NPC1: variants seen among roughly 807,000 people sequenced by gnomAD.
NPC1 encodes the protein Niemann-Pick C1 protein.
A neutral mutation model predicts 140.4 loss-of-function variants in NPC1; 85 were observed. The ratio of observed to expected loss-of-function variants is 0.61; its 90% CI spans 0.51 to 0.72. The LOEUF (loss-of-function observed/expected upper bound fraction) is 0.72. NPC1 is among the 30% of genes least tolerant of loss of function. The probability of loss-of-function intolerance (pLI) is 0.00; values close to 1 mark genes in which losing one functional copy is unlikely to be tolerated. For missense variants in NPC1, 1,504 were observed against 1,623.8 expected (o/e 0.93, Z 1.27); for synonymous variants, 656 against 624.8 (o/e 1.05, Z -0.74).
Position 23,532,223 on chromosome 18 carries a change from G to A in NPC1, c.3816C>T (p.Arg1272=), listed in dbSNP as rs375797728. Residue 1272 remains arginine (R), a synonymous_variant, in exon 25 of 25, where the codon CGC becomes CGT. Coordinates refer to ENST00000269228, the MANE Select transcript of NPC1 (RefSeq NM_000271.5). ...ATEERYKGTE[R]ERLLNF is the part of the protein sequence containing the mutation. ...AGGGCTAGAAATTTAGAAGCCGTTCGCGCTCTGTTCCTTTGTATCGCTCTT... is the reference window on the plus strand; with the variant it reads ...AGGGCTAGAAATTTAGAAGCCGTTCACGCTCTGTTCCTTTGTATCGCTCTT... 3.8e-5 allele frequency: 61 copies of A among 1,614,018 alleles called. No homozygotes were observed. The East Asian group carries it at 4.0e-4, about 11-fold the overall frequency.
At chr18:23,584,090 A>G (rs2059386846) in intron 1 of NPC1, among the ~76,000 whole-genome samples, 1 of 152,252 alleles carries the variant, frequency 6.6e-6, no homozygotes, top group Non-Finnish European at 1.5e-5. Context: ...AACTGCATAT[A>G]GTTTTTAGAT....
intron 6 of NPC1, among the ~76,000 whole-genome samples, chr18:23,557,850 A>T (rs919297326): frequency 3.3e-5 from 5 of 152,208 alleles, no homozygotes; most frequent in African/African-American, 1.2e-4. Context: ...AAGGAACCAG[A>T]GCTCCTTGCA....
chr18:23,519,264 T>A, downstream of NPC1: 2 of 1,181,372 alleles, frequency 1.7e-6, no homozygotes, highest in Non-Finnish European at 2.5e-6. Context: ...ACGCCTGTAA[T>A]CCCAGCACTT....
rs1322726822 is a variant in NPC1 at position 23,535,821 on chromosome 18, TGCTG to T, written c.3246-125_3246-122del. Reference sequence around the variant, plus strand: ...GGGAAACATCCCTTGCAGAAAACCTTGCTGGCTGTCTACAAGACTCACCGAAAGC... The same window carrying T: ...GGGAAACATCCCTTGCAGAAAACCTTGCTGTCTACAAGACTCACCGAAAGC... On this transcript the variant is annotated intron_variant, in intron 21 of 24. Coordinates refer to ENST00000269228, the MANE Select transcript of NPC1 (RefSeq NM_000271.5). The T allele has an allele frequency of 5.3e-6, 4 of 750,194 alleles. No homozygotes were observed. The African/African-American group carries it at 6.9e-5, about 13-fold the overall frequency. The allele number at this position is 750,194 out of a possible 1,614,324, so 46.5% of individuals were successfully genotyped here. A position where few individuals can be genotyped will look rare whatever the true frequency, so the allele number is the denominator to read the frequency against.
At chr18:23,546,101 T>C (rs930488030) in intron 11 of NPC1, among the ~76,000 whole-genome samples, 2 of 151,342 alleles carry the variant, frequency 1.3e-5, no homozygotes, top group African/African-American at 4.9e-5. Context: ...ATACAAAAAT[T>C]AGCCAGGCGT....
chr18:23,515,959 C>T (rs1458422250), intron 3 of NPC1: 5 of 1,614,114 alleles, frequency 3.1e-6, no homozygotes, highest in East Asian at 4.5e-5. Context: ...CTGTCTACCA[C>T]GGTCCTGGAG....
chr18:23,521,626 G>A (rs1026490785), downstream of NPC1, among the ~76,000 whole-genome samples: 1 of 151,978 alleles, frequency 6.6e-6, no homozygotes. Context: ...TATTTGCTTC[G>A]TTTTGCCTTT....
Position 23,553,563 on chromosome 18 carries a change from G to T in NPC1, c.1553+1195C>A, listed in dbSNP as rs139005575. ...GAGAGTCCTTAGCTCTTGAGAAGTA[G>T]TCGGCTGAGCAGTGTCCTTAAAGGC... On this transcript the variant is annotated intron_variant, in intron 9 of 24. Coordinates refer to ENST00000269228, the MANE Select transcript of NPC1 (RefSeq NM_000271.5). Among the ~76,000 whole-genome samples the T allele has an allele frequency of 6.8e-4, 103 of 152,290 alleles. No homozygotes were observed. The Middle Eastern group carries it at 0.01, about 15-fold the overall frequency.
In NPC1 at chr18:23,540,680, G is replaced by A. The variant is rs1598947334; in HGVS notation, c.2515-143C>T. 2.1e-5 allele frequency: 15 copies of A among 713,382 alleles called. No homozygotes were observed. The East Asian group carries it at 4.0e-4, about 19-fold the overall frequency. The allele number at this position is 713,382 out of a possible 1,614,324, so 44.2% of individuals were successfully genotyped here. On this transcript the variant is annotated intron_variant, in intron 16 of 24. Coordinates refer to ENST00000269228, the MANE Select transcript of NPC1 (RefSeq NM_000271.5). ...ACAGGCTAATAGGGAGTACAGGGCAGTGGGTGAGACCACAGCACCAGGAGT... is the reference window on the plus strand; with the variant it reads ...ACAGGCTAATAGGGAGTACAGGGCAATGGGTGAGACCACAGCACCAGGAGT...
chr18:23,545,044 G>T lies in NPC1; in HGVS notation c.1863C>A (p.Val621=). 1 of 1,610,856 alleles carries T rather than the reference G, an allele frequency of 6.2e-7. No individual in the cohort carries two copies. Among genetic ancestry groups the T allele is most frequent in the Non-Finnish European group, 8.5e-7 (1 of 1,178,288 alleles). Residue 621 remains valine, a synonymous_variant, in exon 12 of 25, where the codon GTC becomes GTA. Transcript: ENST00000269228. ...TGGCATAGCTAATTACAACGGTGAA[G>T]ACATCACTGTCACTTTCACGATTTA... is the stretch of plus-strand genomic sequence containing the variant. ...DELNRESDSD[V]FTVVISYAIM...
chr18:23,508,493 G>T (rs2057768921), intron 3 of NPC1, among the ~76,000 whole-genome samples: 1 of 152,136 alleles, frequency 6.6e-6, no homozygotes, highest in Admixed American at 6.5e-5. Context: ...CCTAGGTGTT[G>T]ATTCTAATCC....
In NPC1 at chr18:23,544,467, A is replaced by G; in HGVS notation, c.2007T>C (p.Ala669=). ...AGILIVLSSV[A]CSLGVFSYIG... Reference sequence around the variant, plus strand: ...TGTAGCTGAAGACACCCAAGGAGCAAGCCACCGAGCTCAGCACGATCAAGA... The same window carrying G: ...TGTAGCTGAAGACACCCAAGGAGCAGGCCACCGAGCTCAGCACGATCAAGA... Residue 669 remains alanine (A), a synonymous_variant, in exon 13 of 25, where the codon GCT becomes GCC. Transcript: ENST00000269228. The G allele has an allele frequency of 6.2e-7, 1 of 1,607,642 alleles. No homozygotes were observed. Among genetic ancestry groups the G allele is most frequent in the Non-Finnish European group, 8.5e-7 (1 of 1,177,446 alleles).
chr18:23,563,987 GTTTTTTT>G (rs71163619), intron 4 of NPC1, among the ~76,000 whole-genome samples: 1 of 102,600 alleles, frequency 9.7e-6, no homozygotes, highest in Non-Finnish European at 1.8e-5. Context: ...AGTAGTAAGA[GTTTTTTT>G]TTTTTTTTTT....
chr18:23,586,206 C>T, intron 1 of NPC1, 81 bp downstream of exon 1: 3 of 1,454,806 alleles, frequency 2.1e-6, no homozygotes, highest in Non-Finnish European at 1.8e-6. Context: ...GGGCCTGAGC[C>T]GTCGCTGGGC....
intron 5 of NPC1, among the ~76,000 whole-genome samples, chr18:23,560,990 G>A (rs914240279): frequency 1.3e-5 from 2 of 152,206 alleles, no homozygotes; most frequent in Admixed American, 1.3e-4. Context: ...TCCTATTGTA[G>A]ATTATGCTTC....
chr18:23,544,600 C>CT, intron 12 of NPC1, 74 bp from the exon 13 acceptor site: 1 of 1,350,030 alleles, frequency 7.4e-7, no homozygotes, highest in Admixed American at 1.8e-5. Flanking sequence ...AAAGGTCCTC[C>CT]TTTTTACTTT....
chr18:23,573,843 G>T (rs981149029), intron 1 of NPC1, among the ~76,000 whole-genome samples: 3 of 151,544 alleles, frequency 2.0e-5, no homozygotes, highest in Admixed American at 2.0e-4. Flanking sequence ...ATAGTTCCAT[G>T]TAAGAAATAC....
At chr18:23,507,147 T>C (rs2145130220) in intron 3 of NPC1, 2 of 844,024 alleles carry the variant, frequency 2.4e-6, no homozygotes, top group South Asian at 3.3e-5. Context: ...AAGGAAACTT[T>C]TATTATCTTA....
chr18:23,550,538 GTGACT>G (rs1433940868), intron 10 of NPC1, among the ~76,000 whole-genome samples: 1 of 124,176 alleles, frequency 8.1e-6, no homozygotes, highest in Non-Finnish European at 1.6e-5. Context: ...CTGGAGTGCA[GTGACT>G]TGATCTTGGC....
Sources: allele counts gnomAD v4.1 joint callset (sites outside exome capture counted in the v4.1 genomes callset), GRCh38; gene constraint gnomAD v4.1.1; transcripts MANE v1.5; gene names NCBI Gene and HGNC (gene_info 2026-07-23, HGNC 2026-07-21).